Variants in DYTN observed in about 807,000 individuals in gnomAD.
DYTN encodes dystrotelin.
In DYTN, 75 loss-of-function variants were observed where a neutral mutation model predicts 69.6. The ratio of observed to expected loss-of-function variants is 1.08; its 90% CI spans 0.89 to 1.31. The LOEUF is 1.31. Ranked by LOEUF, DYTN falls within the 50% of genes most tolerant of loss-of-function variation. DYTN has a pLI of 0.00. For missense variants in DYTN, 726 were observed against 688.4 expected, an observed-to-expected ratio of 1.05 and a Z score of -0.61; for synonymous variants, 252 against 249.1, an observed-to-expected ratio of 1.01 and a Z score of -0.11.
In DYTN at chr2:206,699,900, A is replaced by T; in HGVS notation, c.556-10T>A. On this transcript the variant is annotated splice_polypyrimidine_tract_variant and intron_variant, in intron 6 of 11. Transcript: ENST00000452335. ...TTGCTGGGCTCAACACCTGAAAAAC[A>T]ATGGCACTCTAAGATGTGTTTTTAG... 1 of 1,610,256 alleles carries T rather than the reference A, an allele frequency of 6.2e-7. No homozygotes were observed. Among genetic ancestry groups the T allele is most frequent in the Non-Finnish European group, 8.5e-7 (1 of 1,178,386 alleles).
chr2:206,694,646 A>G, intron 8 of DYTN, 120 bp downstream of exon 8: 1 of 707,042 alleles, frequency 1.4e-6, no homozygotes, highest in Non-Finnish European at 2.2e-6. Context: ...CTTAGTCTTA[A>G]ATATTGCAAT....
chr2:206,668,665 G>T (rs1047710869), intron 9 of DYTN, among the ~76,000 whole-genome samples: 1 of 152,116 alleles, frequency 6.6e-6, no homozygotes, highest in Non-Finnish European at 1.5e-5. Context: ...AGCTAATCAT[G>T]CCCAAAGCAG....
intron 9 of DYTN, among the ~76,000 whole-genome samples, chr2:206,688,403 T>C (rs1322343526): frequency 2.6e-5 from 4 of 152,108 alleles, no homozygotes; most frequent in Non-Finnish European, 5.9e-5. Flanking sequence ...TGGGGCCATT[T>C]GCCAAAGTAA....
At chr2:206,659,562 TGATAGA>T (rs973335191) in intron 11 of DYTN, among the ~76,000 whole-genome samples, 2 of 149,462 alleles carry the variant, frequency 1.3e-5, no homozygotes, top group Non-Finnish European at 3.0e-5. Flanking sequence ...GATGCATCCA[TGATAGA>T]GATAGAGGCA....
intron 2 of DYTN, 61 bp from the exon 3 acceptor site, chr2:206,707,564 A>G (rs569426228): frequency 6.7e-7 from 1 of 1,487,416 alleles, no homozygotes; most frequent in Non-Finnish European, 9.1e-7. Flanking sequence ...GGCTTCAAAT[A>G]AAGCAAATGT....
rs188893675 is a variant in DYTN, at chr2:206,677,921, C to T, written c.981-11892G>A. On this transcript the variant is annotated intron_variant, in intron 9 of 11. Coordinates refer to ENST00000452335, the MANE Select transcript of DYTN (RefSeq NM_001093730.1). Reference sequence around the variant, plus strand: ...AGAATAATCGCTTGAACCCGGGAAGCGGAGGTTGCAGTGAGCCAAGATAGT... The same window carrying T: ...AGAATAATCGCTTGAACCCGGGAAGTGGAGGTTGCAGTGAGCCAAGATAGT... Among the ~76,000 whole-genome samples, 105 of 151,842 alleles carry T rather than the reference C, an allele frequency of 6.9e-4. 3 individuals carry two copies. The South Asian group carries it at 0.014, about 20-fold the overall frequency.
In DYTN at chr2:206,673,608, G is replaced by C. The variant is rs150627792; in HGVS notation, c.981-7579C>G. Reference sequence around the variant, plus strand: ...AGATCTTATGATACTGAGTTGGCAAGTTAAGGCCCTCTGGGCAGAAGGAAG... The same window carrying C: ...AGATCTTATGATACTGAGTTGGCAACTTAAGGCCCTCTGGGCAGAAGGAAG... On this transcript the variant is annotated intron_variant, in intron 9 of 11. Transcript: ENST00000452335. Among the ~76,000 whole-genome samples, 280 of 152,302 alleles carry C rather than the reference G, an allele frequency of 1.8e-3. 2 individuals carry two copies. The highest frequency in any genetic ancestry group is 6.1e-3 in the African/African-American group (254 of 41,560).
chr2:206,679,606 A>C (rs1203267307), intron 9 of DYTN, among the ~76,000 whole-genome samples: 2 of 152,228 alleles, frequency 1.3e-5, no homozygotes, highest in African/African-American at 4.8e-5. Flanking sequence ...TTTATTTAAA[A>C]ACTATTTTTA....
intron 9 of DYTN, among the ~76,000 whole-genome samples, chr2:206,685,318 C>T (rs13399288): frequency 0.12 from 18,313 of 151,836 alleles, 2,306 homozygotes; most frequent in African/African-American, 0.32. Flanking sequence ...TGCACCACCA[C>T]GCCCAGATAA....
chr2:206,678,559 G>A (rs1220998176), intron 9 of DYTN, among the ~76,000 whole-genome samples: 2 of 151,942 alleles, frequency 1.3e-5, no homozygotes, highest in Non-Finnish European at 2.9e-5. Flanking sequence ...TATCAACAAC[G>A]GTGGAGTTAA....
chr2:206,714,453 C>T (rs1328926420), intron 1 of DYTN, among the ~76,000 whole-genome samples: 3 of 152,210 alleles, frequency 2.0e-5, no homozygotes, highest in African/African-American at 2.4e-5. Context: ...CTGCCCGCCT[C>T]GGCCTCCCAA....
intron 11 of DYTN, among the ~76,000 whole-genome samples, chr2:206,662,601 A>C (rs908161970): frequency 6.6e-6 from 1 of 151,626 alleles, no homozygotes; most frequent in Non-Finnish European, 1.5e-5. Flanking sequence ...TGATTTAGGG[A>C]TACTGATAAT....
chr2:206,698,625 T>A (rs1415167263), intron 7 of DYTN, among the ~76,000 whole-genome samples: 1 of 152,228 alleles, frequency 6.6e-6, no homozygotes, highest in Non-Finnish European at 1.5e-5. Flanking sequence ...CTTTCTCTTC[T>A]CCCAAGCTTT....
chr2:206,663,581 A>G (rs1001678303), intron 10 of DYTN, among the ~76,000 whole-genome samples, 186 bp from the exon 11 acceptor site: 1 of 152,180 alleles, frequency 6.6e-6, no homozygotes, highest in East Asian at 1.9e-4. Flanking sequence ...AAAACTCTCT[A>G]CAAGAGCTGG....
chr2:206,683,791 C>T (rs10174208), intron 9 of DYTN, among the ~76,000 whole-genome samples: 13,184 of 152,114 alleles, frequency 0.087, 1,918 homozygotes, highest in African/African-American at 0.3. Flanking sequence ...TTGGTGCTGG[C>T]TGTCTCCTCA....
rs553199106 is a variant in DYTN at position 206,710,384 on chromosome 2, C to T, written c.94+140G>A. On this transcript the variant is annotated intron_variant, in intron 2 of 11. Coordinates refer to ENST00000452335, the MANE Select transcript of DYTN (RefSeq NM_001093730.1). ...TTCCCATCCTCCATCTTCTCTGTCA[C>T]GAATGGGCTAAATGCACAAGTCCAG... The T allele has an allele frequency of 1.8e-3, 1,288 of 730,518 alleles. 5 individuals are homozygous for T. Among genetic ancestry groups the T allele is most frequent in the African/African-American group, 3.8e-3 (206 of 53,862 alleles). The allele number at this position is 730,518 out of a possible 1,614,324, so 45.3% of individuals were successfully genotyped here. A position where few individuals can be genotyped will look rare whatever the true frequency, so the allele number is the denominator to read the frequency against.
intron 9 of DYTN, among the ~76,000 whole-genome samples, chr2:206,684,751 TTTC>T (rs978263322): frequency 1.2e-4 from 18 of 152,298 alleles, no homozygotes; most frequent in African/African-American, 2.9e-4. Context: ...TCTTCCCCAT[TTTC>T]TTCTTCTTCT....
intron 9 of DYTN, among the ~76,000 whole-genome samples, 164 bp from the exon 10 acceptor site, chr2:206,666,193 G>A (rs1376706698): frequency 6.6e-6 from 1 of 152,004 alleles, no homozygotes; most frequent in African/African-American, 2.4e-5. Flanking sequence ...CTGTCACCTA[G>A]GCTGGAGAAT....
At chr2:206,666,053 G>C (rs186621697) in intron 9 of DYTN, 24 bp from the exon 10 acceptor site, 1 of 1,609,096 alleles carries the variant, frequency 6.2e-7, no homozygotes, top group East Asian at 2.2e-5. Context: ...AGATTTGAGC[G>C]GTTTGGAAGG....
Sources: gnomAD v4.1 joint callset for allele counts (sites outside exome capture counted in the v4.1 genomes callset) on GRCh38, gnomAD v4.1.1 for gene constraint, MANE v1.5 for transcripts, NCBI Gene and HGNC (gene_info 2026-07-23, HGNC 2026-07-21) for gene names.